Variants in PHF12 observed in about 807,000 individuals in gnomAD.
PHF12 encodes the protein PHD finger protein 12.
A neutral mutation model predicts 99.8 loss-of-function variants in PHF12; 6 were observed. The ratio of observed to expected loss-of-function variants is 0.06; its 90% CI spans 0.03 to 0.12. PHF12 has a LOEUF of 0.12. PHF12 is among the 10% of genes least tolerant of loss of function. The pLI is 1.00. For synonymous variants in PHF12, 480 were observed against 514.9 expected (o/e 0.93, Z 0.92); for missense variants, 954 against 1,300.1 (o/e 0.73, Z 4.09).
chr17:28,930,596 T>A (rs1181961620), intron 2 of PHF12, among the ~76,000 whole-genome samples: 1 of 152,260 alleles, frequency 6.6e-6, no homozygotes, highest in African/African-American at 2.4e-5. Context: ...AAGTCCATAC[T>A]GGCAAGCCTG....
chr17:28,916,978 G>A (rs1468233245), intron 7 of PHF12, among the ~76,000 whole-genome samples: 1 of 152,210 alleles, frequency 6.6e-6, no homozygotes. Context: ...CAGATAGAAT[G>A]AGCGTTAGGT....
intron 7 of PHF12, among the ~76,000 whole-genome samples, chr17:28,915,585 G>C (rs1295476045): frequency 6.6e-6 from 1 of 152,174 alleles, no homozygotes; most frequent in African/African-American, 2.4e-5. Context: ...GGAATGAGAG[G>C]AGGAGGAATA....
At chr17:28,926,667 G>A (rs905033323) in intron 3 of PHF12, 16 of 770,904 alleles carry the variant, frequency 2.1e-5, no homozygotes, top group East Asian at 1.4e-4. Flanking sequence ...CCATCAAGCT[G>A]GAGAAGCAGC....
chr17:28,926,575 G>A (rs1030223998), intron 3 of PHF12: 5 of 357,360 alleles, frequency 1.4e-5, no homozygotes, highest in Non-Finnish European at 2.2e-5. Flanking sequence ...GTACAAATGC[G>A]TTCAAAATCC....
rs530550699 is a variant in PHF12, at chr17:28,924,413, T to C, written c.322-111A>G. Reference sequence around the variant, plus strand: ...CAAAACTGTAAAAGGCCTTCACATATCACAGACTCATCTACCTGGTCACTT... The same window carrying C: ...CAAAACTGTAAAAGGCCTTCACATACCACAGACTCATCTACCTGGTCACTT... On this transcript the variant is annotated intron_variant, in intron 3 of 14. Coordinates refer to ENST00000332830, the MANE Select transcript of PHF12 (RefSeq NM_001033561.2). 3.5e-6 allele frequency: 5 copies of C among 1,422,124 alleles called. No homozygotes were observed. In the South Asian group the frequency reaches 4.7e-5, roughly 13 times the overall value. 88.1% of individuals were successfully genotyped at this position (1,422,124 alleles called of 1,614,324 possible).
At chr17:28,927,225 A>C (rs1257102425) in intron 2 of PHF12, among the ~76,000 whole-genome samples, 162 bp from the exon 3 acceptor site, 1 of 152,092 alleles carries the variant, frequency 6.6e-6, no homozygotes, top group Non-Finnish European at 1.5e-5. Flanking sequence ...ACTCATAATA[A>C]CCTAAGGAGT....
In PHF12 at chr17:28,927,071, G is replaced by A; in HGVS notation, c.249-8C>T. On this transcript the variant is annotated splice_region_variant and splice_polypyrimidine_tract_variant and intron_variant, in intron 2 of 14. Coordinates refer to ENST00000332830, the MANE Select transcript of PHF12 (RefSeq NM_001033561.2). ...TCACTCAGTGGAGGGTTACTGTGGG[G>A]AACAGACAAGGGCAAGACTAAATAA... is the stretch of plus-strand genomic sequence containing the variant. 1 of 1,612,274 alleles carries A rather than the reference G, an allele frequency of 6.2e-7. No homozygotes were observed. Among genetic ancestry groups the A allele is most frequent in the Non-Finnish European group, 8.5e-7 (1 of 1,178,438 alleles).
At chr17:28,923,009 C>A (rs1472673210) in intron 4 of PHF12, among the ~76,000 whole-genome samples, 1 of 149,548 alleles carries the variant, frequency 6.7e-6, no homozygotes, top group Non-Finnish European at 1.5e-5. Flanking sequence ...GAGCTGTGGT[C>A]ACACCACTGC....
At chr17:28,932,651 A>G (rs1838789962) in intron 2 of PHF12, among the ~76,000 whole-genome samples, 2 of 152,210 alleles carry the variant, frequency 1.3e-5, no homozygotes, top group Non-Finnish European at 2.9e-5. Flanking sequence ...GCCCATCTCA[A>G]AACTCCTTCC....
At chr17:28,914,671 CAAAAAAAAAAAA>C (rs61203588) in intron 7 of PHF12, among the ~76,000 whole-genome samples, 12 of 30,344 alleles carry the variant, frequency 4.0e-4, no homozygotes, top group Admixed American at 3.3e-3. Flanking sequence ...GACTCCGTCT[CAAAAAAAAAAAA>C]AAAAAAAAAA....
At position 28,912,901 on chromosome 17, in the gene PHF12, G is replaced by A; in HGVS notation, c.1670C>T (p.Thr557Ile). The change falls in exon 9 of 15, where the codon ACT becomes ATT. Residue 557 changes from threonine (T) to isoleucine (I), a missense_variant. Transcript: ENST00000332830. ...AAGTCGCCGGGGGTCCGTGGAATCAGTAGGGCTGCTGTAGAGGTGTGGGCC... is the reference window on the plus strand; with the variant it reads ...AAGTCGCCGGGGGTCCGTGGAATCAATAGGGCTGCTGTAGAGGTGTGGGCC... ...ANGPHLYSSP[T>I]DSTDPRRLPG... 6 of 1,614,124 alleles carry A rather than the reference G, an allele frequency of 3.7e-6. No individual in the cohort carries two copies. Among genetic ancestry groups the A allele is most frequent in the Non-Finnish European group, 5.1e-6 (6 of 1,179,940 alleles).
chr17:28,940,023 T>A (rs1235380640), intron 2 of PHF12, among the ~76,000 whole-genome samples: 1 of 152,274 alleles, frequency 6.6e-6, no homozygotes, highest in Non-Finnish European at 1.5e-5. Context: ...TTACTCTGTA[T>A]GTCTTTTGTC....
chr17:28,927,121 A>G lies in PHF12; in HGVS notation c.249-58T>C, dbSNP rs1413066087. The G allele has an allele frequency of 4.0e-6, 6 of 1,496,966 alleles. No individual in the cohort carries two copies. In the African/African-American group the frequency reaches 6.9e-5, roughly 17 times the overall value. 92.7% of individuals were successfully genotyped at this position (1,496,966 alleles called of 1,614,324 possible). A position where few individuals can be genotyped will look rare whatever the true frequency, so the allele number is the denominator to read the frequency against. ...ACTAGCCCTTTGAGGCAGTAGGAAA[A>G]GCCTAGCTAGGTTTGCATGTTCCTA... On this transcript the variant is annotated intron_variant, in intron 2 of 14. Transcript: ENST00000332830.
At chr17:28,914,671 CAAAA>C (rs61203588) in intron 7 of PHF12, among the ~76,000 whole-genome samples, 99 of 30,310 alleles carry the variant, frequency 3.3e-3, no homozygotes, top group African/African-American at 8.5e-3. Flanking sequence ...GACTCCGTCT[CAAAA>C]AAAAAAAAAA....
intron 10 of PHF12, chr17:28,910,739 C>A: frequency 2.6e-6 from 1 of 380,362 alleles, no homozygotes; most frequent in Non-Finnish European, 4.8e-6. Context: ...CAAGATCTGT[C>A]CCTGTTCTCC....
At chr17:28,928,717 A>G (rs2040331284) in intron 2 of PHF12, among the ~76,000 whole-genome samples, 1 of 151,742 alleles carries the variant, frequency 6.6e-6, no homozygotes, top group Non-Finnish European at 1.5e-5. Context: ...GGGAGGCGGA[A>G]GTTGCAGTGA....
chr17:28,934,498 T>A (rs1204578515), intron 2 of PHF12, among the ~76,000 whole-genome samples: 1 of 152,214 alleles, frequency 6.6e-6, no homozygotes, highest in Non-Finnish European at 1.5e-5. Context: ...ATAAAATACC[T>A]GATAAAAGGA....
In PHF12 at chr17:28,950,709, T is replaced by A; in HGVS notation, c.66+186A>T. 1.2e-6 allele frequency: 1 copy of A among 839,076 alleles called. No individual in the cohort carries two copies. The highest frequency in any genetic ancestry group is 2.4e-5 in the South Asian group (1 of 41,846). 52.0% of individuals were successfully genotyped at this position (839,076 alleles called of 1,614,324 possible). A position where few individuals can be genotyped will look rare whatever the true frequency, so the allele number is the denominator to read the frequency against. ...GAGGGCGGCGGGTAGGTGAAACTGC[T>A]GCAAACGTCCTCGGAGGCTGAGCTC... On this transcript the variant is annotated intron_variant, in intron 1 of 14. Transcript: ENST00000332830. The surrounding 1 kb of genome is among the most constrained non-coding windows in gnomAD (Gnocchi z 5.7).
chr17:28,938,964 TAC>T (rs2040561785), intron 2 of PHF12, among the ~76,000 whole-genome samples: 2 of 152,228 alleles, frequency 1.3e-5, no homozygotes. Flanking sequence ...TCTGCATGTG[TAC>T]ACACAAACGG....
Sources: gnomAD v4.1 joint callset for allele counts (sites outside exome capture counted in the v4.1 genomes callset) on GRCh38, gnomAD v4.1.1 for gene constraint, Gnocchi (gnomAD v3.1) non-coding constraint, MANE v1.5 for transcripts, NCBI Gene and HGNC (gene_info 2026-07-23, HGNC 2026-07-21) for gene names.